XRCC5: variants seen among roughly 807,000 people sequenced by gnomAD.
The protein encoded by XRCC5 is DNA repair protein Ku80.
A neutral mutation model predicts 95.7 loss-of-function variants in XRCC5; 12 were observed. That is an observed-to-expected ratio of 0.13 (90% CI 0.08 to 0.20). The LOEUF (loss-of-function observed/expected upper bound fraction) is 0.20, where lower values mean the gene tolerates loss of function less well. Among genes scored for constraint, XRCC5 ranks in the 10% least tolerant of loss-of-function variants. The pLI, the probability that XRCC5 is intolerant of heterozygous loss-of-function variation, is 1.00. For missense variants in XRCC5, 595 were observed against 873.9 expected (o/e 0.68, Z 4.02); for synonymous variants, 281 against 290.3 (o/e 0.97, Z 0.33).
chr2:216,160,764 C>T (rs781744099), intron 15 of XRCC5, among the ~76,000 whole-genome samples: 13 of 151,992 alleles, frequency 8.6e-5, no homozygotes, highest in East Asian at 1.9e-4. Context: ...CTGTCACCCA[C>T]GCCGGAGTAC....
chr2:216,190,169 A>G, intron 16 of XRCC5, 56 bp from the exon 17 acceptor site: 2 of 1,469,132 alleles, frequency 1.4e-6, no homozygotes, highest in Non-Finnish European at 1.9e-6. Flanking sequence ...ACACAGAAGC[A>G]TACCCTCTCT....
chr2:216,147,221 CAGA>C (rs1242504307), intron 13 of XRCC5, among the ~76,000 whole-genome samples: 1 of 151,960 alleles, frequency 6.6e-6, no homozygotes. Flanking sequence ...TAGGGAAAGA[CAGA>C]GGAGGCAGAG....
intron 6 of XRCC5, among the ~76,000 whole-genome samples, chr2:216,124,219 T>C (rs1271857073): frequency 6.6e-6 from 1 of 152,190 alleles, no homozygotes; most frequent in Non-Finnish European, 1.5e-5. Context: ...CCTGAGGAGA[T>C]TGAGCTCTAC....
chr2:216,132,439 C>A, intron 10 of XRCC5, 52 bp downstream of exon 10: 1 of 1,575,962 alleles, frequency 6.3e-7, no homozygotes, highest in South Asian at 1.1e-5. Flanking sequence ...AATTGTAAGT[C>A]TATGAAAGCA....
chr2:216,197,424 A>G (rs1403069188), intron 19 of XRCC5, among the ~76,000 whole-genome samples: 2 of 149,626 alleles, frequency 1.3e-5, no homozygotes, highest in East Asian at 3.9e-4. Context: ...CAGCCTGGAC[A>G]ACGAAAGCGA....
intron 6 of XRCC5, among the ~76,000 whole-genome samples, chr2:216,125,258 C>T (rs571971009): frequency 6.0e-5 from 9 of 150,146 alleles, no homozygotes; most frequent in African/African-American, 2.0e-4. Context: ...AGTGCAATGG[C>T]GCGATCTCAG....
chr2:216,126,296 T>G (rs1189871298), intron 7 of XRCC5, among the ~76,000 whole-genome samples: 1 of 152,246 alleles, frequency 6.6e-6, no homozygotes, highest in Non-Finnish European at 1.5e-5. Context: ...TCATAAGTTC[T>G]AGGCCTGTCT....
intron 19 of XRCC5, among the ~76,000 whole-genome samples, chr2:216,202,570 AGACT>A (rs1279732549): frequency 1.3e-5 from 2 of 152,256 alleles, no homozygotes; most frequent in Admixed American, 6.5e-5. Flanking sequence ...ATTCTGTTAC[AGACT>A]GTCTGCCTCC....
At position 216,184,032 on chromosome 2, in the gene XRCC5, CTGTGTGTGTGTGTGTGTGTGTG is replaced by C. The variant is rs3221952; in HGVS notation, c.1835-6172_1835-6151del. 7.9e-3 allele frequency among the ~76,000 whole-genome samples: 1,149 copies of C among 145,732 alleles called. 3 individuals carry two copies. Among genetic ancestry groups the C allele is most frequent in the Middle Eastern group, 0.021 (6 of 290 alleles). On this transcript the variant is annotated intron_variant, in intron 16 of 20. Coordinates refer to ENST00000392132, the MANE Select transcript of XRCC5 (RefSeq NM_021141.4). ...AGGGTGTTTAAGAAATAAGTCAGCA[CTGTGTGTGTGTGTGTGTGTGTG>C]TGTGTGTGTGTGTGTGTGTGATTTA...
At chr2:216,112,784 G>C (rs955386930) in intron 1 of XRCC5, among the ~76,000 whole-genome samples, 44 of 152,248 alleles carry the variant, frequency 2.9e-4, no homozygotes, top group Non-Finnish European at 1.0e-4. Flanking sequence ...TCTGGAGCAT[G>C]TTCCTCTCCT....
chr2:216,183,619 C>T (rs1689434111), intron 16 of XRCC5, among the ~76,000 whole-genome samples: 1 of 152,108 alleles, frequency 6.6e-6, no homozygotes. Context: ...AATATTATGG[C>T]TGTGGTGTTC....
intron 16 of XRCC5, among the ~76,000 whole-genome samples, chr2:216,188,108 CCATTTGCTTTTCTCCAAA>C (rs1308093550): frequency 6.6e-6 from 1 of 152,084 alleles, no homozygotes; most frequent in Non-Finnish European, 1.5e-5. Context: ...ATGTATGAGG[CCATTTGCTTTTCTCCAAA>C]CACAGCTTGT....
chr2:216,160,253 A>C (rs1688926877), intron 15 of XRCC5, 92 bp downstream of exon 15: 2 of 779,456 alleles, frequency 2.6e-6, no homozygotes, highest in Non-Finnish European at 2.0e-6. Context: ...CGTTCTTACC[A>C]CTTTCAAGTT....
chr2:216,148,329 C>A, intron 14 of XRCC5, 53 bp downstream of exon 14: 1 of 1,522,930 alleles, frequency 6.6e-7, no homozygotes, highest in South Asian at 1.3e-5. Flanking sequence ...GAGTTGTGGT[C>A]ATTTTAGAGT....
intron 6 of XRCC5, among the ~76,000 whole-genome samples, chr2:216,125,112 AT>A (rs1696881371): frequency 6.6e-6 from 1 of 152,110 alleles, no homozygotes; most frequent in Non-Finnish European, 1.5e-5. Context: ...GAATTAATGA[AT>A]TATAGAGTTG....
chr2:216,169,971 G>A (rs1410864942), intron 16 of XRCC5, among the ~76,000 whole-genome samples: 5 of 148,564 alleles, frequency 3.4e-5, no homozygotes, highest in African/African-American at 1.2e-4. Flanking sequence ...CCCGGGAGGC[G>A]GAGGTTGCAG....
At chr2:216,180,251 CACAG>C (rs542885363) in intron 16 of XRCC5, among the ~76,000 whole-genome samples, 142 of 152,278 alleles carry the variant, frequency 9.3e-4, no homozygotes, top group African/African-American at 3.3e-3. Context: ...TTAGATAACA[CACAG>C]ACAGTTCAGC....
At chr2:216,109,593 G>A in intron 1 of XRCC5, 136 bp downstream of exon 1, 1 of 1,344,458 alleles carries the variant, frequency 7.4e-7, no homozygotes, top group South Asian at 1.3e-5. Context: ...GCTCAGTCAG[G>A]AGGGCCGGGA....
chr2:216,186,245 A>G (rs562275105), intron 16 of XRCC5, among the ~76,000 whole-genome samples: 42 of 152,226 alleles, frequency 2.8e-4, no homozygotes, highest in Non-Finnish European at 4.1e-4. Context: ...ATGTAAAGTC[A>G]GAGGCAGACA....
Sources: gnomAD v4.1 joint callset for allele counts (sites outside exome capture counted in the v4.1 genomes callset) on GRCh38, gnomAD v4.1.1 for gene constraint, MANE v1.5 for transcripts, NCBI Gene and HGNC (gene_info 2026-07-23, HGNC 2026-07-21) for gene names.